The following PRIMA1 variants were observed in gnomAD, a reference collection of about 807,000 sequenced individuals.
The protein encoded by PRIMA1 is proline rich membrane anchor 1.
Under a neutral mutation model 17.5 loss-of-function variants are expected in PRIMA1, and 7 were observed. That is an observed-to-expected ratio of 0.40 (90% CI 0.23 to 0.75). PRIMA1 has a LOEUF of 0.75. Ranked by LOEUF, PRIMA1 falls within the 30% of genes least tolerant of loss-of-function variation. The pLI, the probability that PRIMA1 is intolerant of heterozygous loss-of-function variation, is 0.37. For synonymous variants in PRIMA1, 97 were observed against 77.9 expected (o/e 1.25, Z -1.29); for missense variants, 200 against 201.8 (o/e 0.99, Z 0.05).
chr14:93,773,734 A>C (rs1885131810), intron 3 of PRIMA1, among the ~76,000 whole-genome samples: 1 of 152,192 alleles, frequency 6.6e-6, no homozygotes, highest in Non-Finnish European at 1.5e-5. Context: ...GGCCTGCCAC[A>C]GAGGAATAGG....
At chr14:93,737,873 G>A (rs2076161237) in intron 3 of PRIMA1, among the ~76,000 whole-genome samples, 1 of 151,492 alleles carries the variant, frequency 6.6e-6, no homozygotes, top group Non-Finnish European at 1.5e-5. Flanking sequence ...GCAGGGTCAG[G>A]TCTAATTCCC....
intron 2 of PRIMA1, among the ~76,000 whole-genome samples, chr14:93,779,978 G>T (rs1885333053): frequency 6.6e-6 from 1 of 152,228 alleles, no homozygotes; most frequent in African/African-American, 2.4e-5. Context: ...GAAAGACCCA[G>T]ATGCCACCCC....
At chr14:93,722,653 G>A (rs975989456) in intron 4 of PRIMA1, among the ~76,000 whole-genome samples, 7 of 151,776 alleles carry the variant, frequency 4.6e-5, no homozygotes, top group Non-Finnish European at 1.0e-4. Flanking sequence ...TGGTGGTGGC[G>A]ATGGTGATAG....
intron 3 of PRIMA1, among the ~76,000 whole-genome samples, chr14:93,767,254 G>T (rs904496013): frequency 4.6e-5 from 7 of 152,314 alleles, no homozygotes; most frequent in African/African-American, 1.7e-4. Flanking sequence ...CTATCTCAGT[G>T]AATATTCAAA....
chr14:93,721,303 G>A lies in PRIMA1; in HGVS notation c.*141C>T. Reference sequence around the variant, plus strand: ...CAGGGGCAAGCCTGGGAAGACAATGGTTTCTCCTTCGGGAGGCTCAGGGCC... The same window carrying A: ...CAGGGGCAAGCCTGGGAAGACAATGATTTCTCCTTCGGGAGGCTCAGGGCC... On this transcript the variant is annotated 3_prime_UTR_variant, in exon 5 of 5. Coordinates refer to ENST00000393140, the MANE Select transcript of PRIMA1 (RefSeq NM_178013.4). 2 of 607,190 alleles carry A rather than the reference G, an allele frequency of 3.3e-6. No individual in the cohort carries two copies. Among genetic ancestry groups the A allele is most frequent in the Non-Finnish European group, 5.8e-6 (2 of 345,682 alleles). 37.6% of individuals were successfully genotyped at this position (607,190 alleles called of 1,614,324 possible).
chr14:93,719,760 A>C lies in PRIMA1; in HGVS notation c.*1684T>G, dbSNP rs191873666. ...AGGGGGTGGCACTATGCTGATGCCC[A>C]GGTGTCCAGGGGAAGCAAAATTCAA... On this transcript the variant is annotated 3_prime_UTR_variant, in exon 5 of 5. Coordinates refer to ENST00000393140, the MANE Select transcript of PRIMA1 (RefSeq NM_178013.4). 6.6e-6 allele frequency: 1 copy of C among 152,426 alleles called. No homozygotes were observed. The highest frequency in any genetic ancestry group is 2.4e-5 in the African/African-American group (1 of 41,446). The allele number at this position is 152,426 out of a possible 1,614,324, so 9.4% of individuals were successfully genotyped here.
intron 2 of PRIMA1, among the ~76,000 whole-genome samples, chr14:93,785,267 C>T (rs1233678958): frequency 6.6e-6 from 1 of 150,668 alleles, no homozygotes; most frequent in Non-Finnish European, 1.5e-5. Flanking sequence ...AATCTCAATT[C>T]CAGACACATT....
intron 4 of PRIMA1, among the ~76,000 whole-genome samples, chr14:93,734,283 G>A (rs748161034): frequency 2.0e-5 from 3 of 152,220 alleles, no homozygotes; most frequent in Non-Finnish European, 4.4e-5. Flanking sequence ...CCCCCGGGAG[G>A]CCGACCTTAC....
intron 3 of PRIMA1, among the ~76,000 whole-genome samples, chr14:93,748,368 G>A (rs1333440031): frequency 6.6e-6 from 1 of 152,290 alleles, no homozygotes; most frequent in Admixed American, 6.5e-5. Context: ...GCAAGTCCCC[G>A]CATGTGACAA....
intron 4 of PRIMA1, among the ~76,000 whole-genome samples, chr14:93,724,837 T>C (rs1254146312): frequency 1.3e-5 from 2 of 152,168 alleles, no homozygotes; most frequent in East Asian, 1.9e-4. Flanking sequence ...ATGGGAGATA[T>C]GGCTTAAGGG....
chr14:93,731,978 C>A (rs955837670), intron 4 of PRIMA1, among the ~76,000 whole-genome samples: 1 of 152,254 alleles, frequency 6.6e-6, no homozygotes, highest in African/African-American at 2.4e-5. Context: ...CACGCACACT[C>A]AAGCCCACAT....
intron 3 of PRIMA1, among the ~76,000 whole-genome samples, chr14:93,745,369 G>C (rs1360352136): frequency 1.3e-5 from 2 of 152,222 alleles, no homozygotes; most frequent in Non-Finnish European, 2.9e-5. Context: ...TTCATGGGGA[G>C]AGTTGTCAGA....
At position 93,737,391 on chromosome 14, in the gene PRIMA1, CTGAG is replaced by C. The variant is rs1485331525; in HGVS notation, c.230-25_230-22del. On this transcript the variant is annotated intron_variant, in intron 3 of 4. Coordinates refer to ENST00000393140, the MANE Select transcript of PRIMA1 (RefSeq NM_178013.4). The stretch of plus-strand genomic sequence containing the variant: ...GGGAGCTGAAAAAGACAGGAGCAGC[CTGAG>C]TGTCACCTGGATGAGCTGGTCATGG... 3 of 1,611,326 alleles carry C rather than the reference CTGAG, an allele frequency of 1.9e-6. No individual in the cohort carries two copies. The East Asian group carries it at 6.7e-5, about 36-fold the overall frequency.
intron 3 of PRIMA1, among the ~76,000 whole-genome samples, chr14:93,763,204 C>T (rs904005220): frequency 4.6e-5 from 7 of 152,130 alleles, no homozygotes; most frequent in African/African-American, 9.7e-5. Flanking sequence ...AATGTTTGAT[C>T]GAATAAAAGT....
At chr14:93,758,594 CAAA>C (rs34329291) in intron 3 of PRIMA1, among the ~76,000 whole-genome samples, 4 of 81,320 alleles carry the variant, frequency 4.9e-5, no homozygotes, top group Non-Finnish European at 7.0e-5. Context: ...GCAAGACTCT[CAAA>C]AAAAAAAAAA....
intron 3 of PRIMA1, among the ~76,000 whole-genome samples, chr14:93,747,808 AGT>A (rs1193211266): frequency 1.4e-5 from 2 of 138,980 alleles, no homozygotes; most frequent in African/African-American, 5.5e-5. Flanking sequence ...AAGGGGACTG[AGT>A]GTGTGGGAGT....
At chr14:93,748,019 AGT>A (rs1402288247) in intron 3 of PRIMA1, among the ~76,000 whole-genome samples, 5 of 139,544 alleles carry the variant, frequency 3.6e-5, no homozygotes, top group Admixed American at 2.1e-4. Flanking sequence ...AGTGTGTGAG[AGT>A]GGGGGACTGT....
chr14:93,742,386 A>G (rs1472307747), intron 3 of PRIMA1, among the ~76,000 whole-genome samples: 1 of 152,246 alleles, frequency 6.6e-6, no homozygotes, highest in African/African-American at 2.4e-5. Context: ...CCCCAGGGGA[A>G]CTCTGAGAAG....
intron 2 of PRIMA1, among the ~76,000 whole-genome samples, chr14:93,783,063 G>A (rs1301249544): frequency 1.3e-5 from 2 of 152,180 alleles, no homozygotes; most frequent in Non-Finnish European, 2.9e-5. Context: ...AGACTCACCT[G>A]CTCAATGCTG....
Sources: gnomAD v4.1 joint callset for allele counts (sites outside exome capture counted in the v4.1 genomes callset) on GRCh38, gnomAD v4.1.1 for gene constraint, MANE v1.5 for transcripts, NCBI Gene and HGNC (gene_info 2026-07-23, HGNC 2026-07-21) for gene names.